SLC30A7: variants seen among roughly 807,000 people sequenced by gnomAD.
SLC30A7 encodes zinc transporter 7.
A neutral mutation model predicts 46.0 loss-of-function variants in SLC30A7; 35 were observed. That is an observed-to-expected ratio of 0.76 (90% CI 0.58 to 1.01). The LOEUF is 1.01. Among genes scored for constraint, SLC30A7 ranks in the 50% least tolerant of loss-of-function variants. The pLI is 0.00. For missense variants in SLC30A7, 464 were observed against 451.1 expected (o/e 1.03, Z -0.26); for synonymous variants, 147 against 157.8 (o/e 0.93, Z 0.51).
intron 10 of SLC30A7, among the ~76,000 whole-genome samples, chr1:100,966,120 T>G (rs981425276): frequency 2.0e-5 from 3 of 150,868 alleles, no homozygotes; most frequent in African/African-American, 7.3e-5. Flanking sequence ...CCCAGCTGCT[T>G]GGGAGGCTGA....
Position 100,954,849 on chromosome 1 carries a change from C to T in SLC30A7, c.843-6979C>T, listed in dbSNP as rs116248578. 6.2e-3 allele frequency among the ~76,000 whole-genome samples: 950 copies of T among 152,020 alleles called. 14 individuals carry two copies. Among genetic ancestry groups the T allele is most frequent in the African/African-American group, 0.02 (824 of 41,498 alleles). ...GAATATTTAATTTAAATGTGAATTG[C>T]GTTACCATTATGGGCCAGTTTTCTT... On this transcript the variant is annotated intron_variant, in intron 8 of 10. Transcript: ENST00000357650.
At chr1:100,955,205 A>G (rs1655163909) in intron 8 of SLC30A7, among the ~76,000 whole-genome samples, 5 of 152,028 alleles carry the variant, frequency 3.3e-5, no homozygotes, top group Admixed American at 3.3e-4. Context: ...TTACTGGTAG[A>G]TAATTTTATT....
chr1:100,911,636 C>T (rs1360389894), intron 4 of SLC30A7, among the ~76,000 whole-genome samples: 2 of 152,074 alleles, frequency 1.3e-5, no homozygotes, highest in African/African-American at 2.4e-5. Flanking sequence ...CTGCAACTTG[C>T]GCCTCCTGGT....
intron 7 of SLC30A7, among the ~76,000 whole-genome samples, chr1:100,918,757 T>G (rs1011780434): frequency 6.6e-6 from 1 of 152,220 alleles, no homozygotes; most frequent in Non-Finnish European, 1.5e-5. Context: ...ATGTAATTTA[T>G]TTAATACAGT....
At chr1:100,984,442 C>T (rs1400572287), downstream of SLC30A7, among the ~76,000 whole-genome samples, 2 of 152,204 alleles carry the variant, frequency 1.3e-5, no homozygotes, top group Non-Finnish European at 2.9e-5. Flanking sequence ...CCCCAAGGAT[C>T]ATCCTCAAAT....
chr1:100,920,681 T>C (rs1034236848), intron 7 of SLC30A7, among the ~76,000 whole-genome samples: 3 of 152,016 alleles, frequency 2.0e-5, no homozygotes, highest in African/African-American at 7.2e-5. Flanking sequence ...TATTAGAACA[T>C]TTCTTGAGTT....
intron 8 of SLC30A7, chr1:100,941,412 G>A: frequency 4.9e-6 from 2 of 407,720 alleles, no homozygotes; most frequent in Non-Finnish European, 9.5e-6. Context: ...GAAGCACTAG[G>A]CATCTCTTGA....
chr1:100,972,268 A>T (rs1268117720), intron 10 of SLC30A7: 1 of 349,352 alleles, frequency 2.9e-6, no homozygotes, highest in Non-Finnish European at 6.0e-6. Context: ...TTTTCTCTTT[A>T]CTTTAAAGGA....
intron 8 of SLC30A7, among the ~76,000 whole-genome samples, chr1:100,928,200 G>A (rs186754549): frequency 1.4e-4 from 21 of 152,220 alleles, no homozygotes; most frequent in Admixed American, 9.8e-4. Flanking sequence ...CTAATGGCAC[G>A]GGCCTTAAGG....
chr1:100,937,182 A>T (rs1324856738), intron 8 of SLC30A7, among the ~76,000 whole-genome samples: 1 of 152,206 alleles, frequency 6.6e-6, no homozygotes, highest in African/African-American at 2.4e-5. Flanking sequence ...CTACCTGCAG[A>T]CATACTATGT....
At chr1:100,972,564 G>C (rs1656218239) in intron 10 of SLC30A7, 1 of 152,000 alleles carries the variant, frequency 6.6e-6, no homozygotes, top group Non-Finnish European at 1.5e-5. Context: ...GAAAATGACA[G>C]AGACAATAAA....
intron 3 of SLC30A7, among the ~76,000 whole-genome samples, chr1:100,907,904 C>G (rs1387042959): frequency 6.6e-6 from 1 of 151,924 alleles, no homozygotes; most frequent in Middle Eastern, 3.4e-3. Flanking sequence ...TTTTTCCTCT[C>G]TCTTCCTTCT....
At chr1:100,920,184 T>C (rs2101030356) in intron 7 of SLC30A7, among the ~76,000 whole-genome samples, 1 of 152,182 alleles carries the variant, frequency 6.6e-6, no homozygotes, top group East Asian at 1.9e-4. Flanking sequence ...CTTTTTCTTT[T>C]CATGTTTAGA....
At chr1:100,909,471 T>C (rs1452071698) in intron 3 of SLC30A7, among the ~76,000 whole-genome samples, 1 of 152,142 alleles carries the variant, frequency 6.6e-6, no homozygotes, top group Non-Finnish European at 1.5e-5. Context: ...CTTAAATCTT[T>C]TCTATTTTTC....
At chr1:100,932,995 G>C (rs1273785715) in intron 8 of SLC30A7, among the ~76,000 whole-genome samples, 2 of 57,216 alleles carry the variant, frequency 3.5e-5, no homozygotes, top group African/African-American at 1.3e-4. Flanking sequence ...TTTTTTTTTT[G>C]AGACGGAGTC....
the SLC30A7 span, among the ~76,000 whole-genome samples, chr1:100,987,939 A>G: frequency 1.3e-5 from 2 of 152,110 alleles, no homozygotes; most frequent in African/African-American, 4.8e-5. Flanking sequence ...GGGTTTGGGA[A>G]GCTCAAGGTT....
In SLC30A7 at chr1:100,969,832, G is replaced by T. The variant is rs546192070; in HGVS notation, c.1083+3914G>T. Among the ~76,000 whole-genome samples, 6 of 152,178 alleles carry T rather than the reference G, an allele frequency of 3.9e-5. No individual in the cohort carries two copies. In the South Asian group the frequency reaches 1.2e-3, roughly 32 times the overall value. ...AATGACTTTCATTCCTACATTTAAT[G>T]ATTTTAAAATTGTTTTGTGATCACT... On this transcript the variant is annotated intron_variant, in intron 10 of 10. Transcript: ENST00000357650.
chr1:100,954,398 T>G (rs1655121930), intron 8 of SLC30A7, among the ~76,000 whole-genome samples: 1 of 152,200 alleles, frequency 6.6e-6, no homozygotes, highest in Non-Finnish European at 1.5e-5. Context: ...GTTGTGAGGA[T>G]TAAATTAAAA....
chr1:100,905,593 C>T (rs1651605341), intron 2 of SLC30A7, among the ~76,000 whole-genome samples: 1 of 151,458 alleles, frequency 6.6e-6, no homozygotes, highest in African/African-American at 2.4e-5. Flanking sequence ...TTTTGTTTGT[C>T]TGTTTGTTTC....
Sources: gnomAD v4.1 joint callset for allele counts (sites outside exome capture counted in the v4.1 genomes callset) on GRCh38, gnomAD v4.1.1 for gene constraint, MANE v1.5 for transcripts, NCBI Gene and HGNC (gene_info 2026-07-23, HGNC 2026-07-21) for gene names.